ZDHHC14: variants seen among roughly 807,000 people sequenced by gnomAD.
ZDHHC14 encodes zDHHC palmitoyltransferase 14.
In ZDHHC14, 16 loss-of-function variants were observed where a neutral mutation model predicts 47.7. The observed-to-expected ratio is 0.34, with a 90% CI of 0.23 to 0.51. The LOEUF (loss-of-function observed/expected upper bound fraction) is 0.51. ZDHHC14 is among the 20% of genes least tolerant of loss of function. The pLI, the probability that ZDHHC14 is intolerant of heterozygous loss-of-function variation, is 0.97. For synonymous variants in ZDHHC14, 293 were observed against 278.9 expected (o/e 1.05, Z -0.50); for missense variants, 515 against 662.5 (o/e 0.78, Z 2.44).
chr6:157,542,624 T>C lies in ZDHHC14; in HGVS notation c.285T>C (p.Pro95=). 1 of 1,614,224 alleles carries C rather than the reference T, an allele frequency of 6.2e-7. No homozygotes were observed. The change falls in exon 2 of 9, where the codon CCT becomes CCC. Residue 95 remains proline (P), a synonymous_variant. Transcript: ENST00000359775. The part of the protein sequence containing the change: ...YLAVKITPAI[P]AVAGILFFFV... ...CGGTGAAAATCACCCCTGCCATCCC[T>C]GCAGTCGCTGGCATCCTGTTCTTCT...
chr6:157,397,620 G>A (rs1250942891), intron 1 of ZDHHC14, among the ~76,000 whole-genome samples: 1 of 152,168 alleles, frequency 6.6e-6, no homozygotes, highest in Non-Finnish European at 1.5e-5. Context: ...TCAGCTCAAG[G>A]CCCTTAATGT....
intron 2 of ZDHHC14, among the ~76,000 whole-genome samples, chr6:157,560,224 T>C (rs906880700): frequency 6.6e-6 from 1 of 152,222 alleles, no homozygotes; most frequent in East Asian, 1.9e-4. Flanking sequence ...GAGAAGAGCG[T>C]GTCAGCCAGG....
At chr6:157,614,767 G>GTT (rs574446811) in intron 3 of ZDHHC14, among the ~76,000 whole-genome samples, 20 of 141,536 alleles carry the variant, frequency 1.4e-4, no homozygotes, top group African/African-American at 3.7e-4. Context: ...AACTCTTCAT[G>GTT]TTTTTTTTTT....
chr6:157,620,763 G>A (rs1330811061), intron 3 of ZDHHC14, among the ~76,000 whole-genome samples: 1 of 152,216 alleles, frequency 6.6e-6, no homozygotes, highest in African/African-American at 2.4e-5. Flanking sequence ...CTCCAGCAGA[G>A]ACGCTTTGGG....
intron 1 of ZDHHC14, among the ~76,000 whole-genome samples, chr6:157,443,142 G>T (rs1395567794): frequency 6.6e-6 from 1 of 152,174 alleles, no homozygotes; most frequent in Non-Finnish European, 1.5e-5. Context: ...GATAGTGAGT[G>T]AGTTCTCAGG....
intron 3 of ZDHHC14, among the ~76,000 whole-genome samples, chr6:157,619,157 G>A (rs1785080287): frequency 6.6e-6 from 1 of 151,822 alleles, no homozygotes; most frequent in African/African-American, 2.4e-5. Context: ...GAGGCAGGTG[G>A]ATCACTTGAG....
chr6:157,516,791 C>T (rs1780708541), intron 1 of ZDHHC14, among the ~76,000 whole-genome samples: 1 of 152,108 alleles, frequency 6.6e-6, no homozygotes, highest in South Asian at 2.1e-4. Context: ...TGTCAGTCAC[C>T]GGACATACTG....
chr6:157,540,030 C>A (rs1019527456), intron 1 of ZDHHC14, among the ~76,000 whole-genome samples: 4 of 152,190 alleles, frequency 2.6e-5, no homozygotes, highest in Non-Finnish European at 5.9e-5. Context: ...CGGATCCATA[C>A]CCTGATTTGT....
chr6:157,426,534 G>A (rs577075497), intron 1 of ZDHHC14, among the ~76,000 whole-genome samples: 242 of 152,276 alleles, frequency 1.6e-3, no homozygotes, highest in African/African-American at 5.6e-3. Context: ...GCACTCAGGG[G>A]GAGAAGCGCA....
At chr6:157,590,749 C>A (rs1582986759) in intron 2 of ZDHHC14, among the ~76,000 whole-genome samples, 1 of 152,238 alleles carries the variant, frequency 6.6e-6, no homozygotes, top group South Asian at 2.1e-4. Flanking sequence ...AAGAGGGCCA[C>A]CATCCTCCAG....
At chr6:157,644,836 A>G (rs1777443667) in intron 5 of ZDHHC14, among the ~76,000 whole-genome samples, 1 of 152,220 alleles carries the variant, frequency 6.6e-6, no homozygotes, top group South Asian at 2.1e-4. Context: ...CCTGAGAAAT[A>G]TCTGTATCCT....
intron 1 of ZDHHC14, among the ~76,000 whole-genome samples, chr6:157,538,115 T>C (rs1032473838): frequency 6.6e-6 from 1 of 152,230 alleles, no homozygotes; most frequent in African/African-American, 2.4e-5. Flanking sequence ...AACTCAGCAC[T>C]GTCCTCTGTC....
At chr6:157,665,119 C>T (rs1778496727) in intron 8 of ZDHHC14, among the ~76,000 whole-genome samples, 1 of 152,190 alleles carries the variant, frequency 6.6e-6, no homozygotes, top group African/African-American at 2.4e-5. Flanking sequence ...TACAGTCTTG[C>T]ATTGCCTGTG....
intron 1 of ZDHHC14, among the ~76,000 whole-genome samples, chr6:157,407,394 G>T (rs1300595591): frequency 1.3e-5 from 2 of 152,124 alleles, no homozygotes; most frequent in Non-Finnish European, 2.9e-5. Context: ...GATTCATTGG[G>T]GATGAAAGTC....
chr6:157,504,532 AGCCTCCG>A (rs201261000), intron 1 of ZDHHC14, among the ~76,000 whole-genome samples: 32,159 of 145,836 alleles, frequency 0.22, 4,053 homozygotes, highest in Admixed American at 0.33. Flanking sequence ...AGCTCACTGC[AGCCTCCG>A]GCTCCTGGGT....
At chr6:157,451,653 TG>T (rs1223565583) in intron 1 of ZDHHC14, among the ~76,000 whole-genome samples, 59 of 152,164 alleles carry the variant, frequency 3.9e-4, no homozygotes, top group Non-Finnish European at 2.2e-4. Flanking sequence ...CTCCGCCTCC[TG>T]GGTTCAAGCG....
chr6:157,513,055 C>T (rs763917357), intron 1 of ZDHHC14, among the ~76,000 whole-genome samples: 24 of 152,302 alleles, frequency 1.6e-4, no homozygotes, highest in South Asian at 4.1e-4. Context: ...ATAAACAATA[C>T]GGGACTTTGT....
chr6:157,666,059 G>A (rs976936297), intron 8 of ZDHHC14, among the ~76,000 whole-genome samples: 15 of 152,284 alleles, frequency 9.9e-5, no homozygotes, highest in South Asian at 4.1e-4. Context: ...CTAGAACAAT[G>A]TATATGCATG....
At chr6:157,424,804 A>G (rs1778183333) in intron 1 of ZDHHC14, among the ~76,000 whole-genome samples, 1 of 152,100 alleles carries the variant, frequency 6.6e-6, no homozygotes, top group African/African-American at 2.4e-5. Context: ...GAATTTCTCC[A>G]TAGAAATATC....
Sources: gnomAD v4.1 joint callset for allele counts (sites outside exome capture counted in the v4.1 genomes callset) on GRCh38, gnomAD v4.1.1 for gene constraint, MANE v1.5 for transcripts, NCBI Gene and HGNC (gene_info 2026-07-23, HGNC 2026-07-21) for gene names.